The following TMC1 variants were observed in gnomAD, a reference collection of about 807,000 sequenced individuals.
TMC1 encodes transmembrane channel like 1, also known as transmembrane channel-like protein 1.
Under a neutral mutation model 105.8 loss-of-function variants are expected in TMC1, and 84 were observed. The ratio of observed to expected loss-of-function variants is 0.79; its 90% CI spans 0.67 to 0.95. TMC1 has a LOEUF of 0.95. Among genes scored for constraint, TMC1 ranks in the 40% least tolerant of loss-of-function variants. The pLI, the probability that TMC1 is intolerant of heterozygous loss-of-function variation, is 0.00. For synonymous variants in TMC1, 315 were observed against 311.5 expected (o/e 1.01, Z -0.12); for missense variants, 817 against 914.1 (o/e 0.89, Z 1.37).
intron 1 of TMC1, among the ~76,000 whole-genome samples, chr9:72,536,486 C>G (rs917095445): frequency 6.6e-6 from 1 of 152,138 alleles, no homozygotes; most frequent in African/African-American, 2.4e-5. Flanking sequence ...GCAGCTGCCA[C>G]CATGCCTGGC....
At chr9:72,784,063 T>C (rs1828132614) in intron 13 of TMC1, among the ~76,000 whole-genome samples, 1 of 152,112 alleles carries the variant, frequency 6.6e-6, no homozygotes, top group African/African-American at 2.4e-5. Flanking sequence ...CCAAAATTGA[T>C]AGGTGGGACC....
In TMC1 at chr9:72,837,569, G is replaced by A. The variant is rs1301410727; in HGVS notation, c.*1596G>A. On this transcript the variant is annotated 3_prime_UTR_variant, in exon 24 of 24. Transcript: ENST00000297784. ...GGTCAGGAAAACACACTTCTGTTGG[G>A]GGCCTTAATTTATAGATATGTTTAA... is the stretch of plus-strand genomic sequence containing the variant. 5 of 151,984 alleles carry A rather than the reference G, an allele frequency of 3.3e-5. No individual in the cohort carries two copies. The highest frequency in any genetic ancestry group is 1.3e-4 in the Admixed American group (2 of 15,252). 9.4% of individuals were successfully genotyped at this position (151,984 alleles called of 1,614,324 possible).
intron 5 of TMC1, among the ~76,000 whole-genome samples, chr9:72,679,709 A>G (rs1044966755): frequency 1.3e-5 from 2 of 152,078 alleles, no homozygotes; most frequent in African/African-American, 4.8e-5. Context: ...GCACTAATCC[A>G]TTCATGAAGG....
intron 1 of TMC1, among the ~76,000 whole-genome samples, chr9:72,544,478 C>CT (rs71493656): frequency 0.4 from 49,971 of 124,742 alleles, 10,479 homozygotes; most frequent in African/African-American, 0.46. Flanking sequence ...GATTTTTTAA[C>CT]TTTTTTTTTT....
rs141488546 is a variant in TMC1, at chr9:72,837,943, A to G, written c.*1970A>G. The stretch of plus-strand genomic sequence containing the variant: ...CTCTTATGTCTGTAATTCAGAGTCT[A>G]TTATTTATATTGATTTTCATGTGAC... On this transcript the variant is annotated 3_prime_UTR_variant, in exon 24 of 24. Coordinates refer to ENST00000297784, the MANE Select transcript of TMC1 (RefSeq NM_138691.3). 2 of 152,200 alleles carry G rather than the reference A, an allele frequency of 1.3e-5. No individual in the cohort carries two copies. Among genetic ancestry groups the G allele is most frequent in the East Asian group, 3.9e-4 (2 of 5,176 alleles). The allele number at this position is 152,200 out of a possible 1,614,324, so 9.4% of individuals were successfully genotyped here. A position where few individuals can be genotyped will look rare whatever the true frequency, so the allele number is the denominator to read the frequency against.
intron 5 of TMC1, among the ~76,000 whole-genome samples, chr9:72,685,433 G>A (rs1375892140): frequency 2.2e-5 from 3 of 136,678 alleles, no homozygotes; most frequent in African/African-American, 8.3e-5. Context: ...GCACAATCTC[G>A]GCTCACTGCA....
intron 7 of TMC1, 62 bp from the exon 8 acceptor site, chr9:72,700,456 C>A: frequency 7.0e-7 from 1 of 1,422,962 alleles, no homozygotes; most frequent in Non-Finnish European, 9.5e-7. Context: ...ACCTGCCTTC[C>A]TTAAGTTCCA....
At chr9:72,554,682 T>G (rs1046374467) in intron 1 of TMC1, among the ~76,000 whole-genome samples, 1 of 152,208 alleles carries the variant, frequency 6.6e-6, no homozygotes, top group Non-Finnish European at 1.5e-5. Flanking sequence ...AGGACTTTGG[T>G]ATCTGACTTT....
chr9:72,752,800 C>T lies in TMC1; in HGVS notation c.642+844C>T, dbSNP rs183613272. ...TTGGTGGTTTTGGGTGACTTTTTAT[C>T]CCGATAGCTTCAAATCAGTGCCAGT... On this transcript the variant is annotated intron_variant, in intron 11 of 23. Coordinates refer to ENST00000297784, the MANE Select transcript of TMC1 (RefSeq NM_138691.3). 2.1e-3 allele frequency among the ~76,000 whole-genome samples: 318 copies of T among 152,252 alleles called. 3 individuals are homozygous for T. Among genetic ancestry groups the T allele is most frequent in the Non-Finnish European group, 3.5e-3 (236 of 68,004 alleles).
chr9:72,659,161 TG>T lies in TMC1; in HGVS notation c.16+10499del, dbSNP rs1456509228. ...CATGAGTAGGTAGAGGAGAGGAGCT[TG>T]GAATAGGATGTGAGATTACAGTTTT... On this transcript the variant is annotated intron_variant, in intron 5 of 23. Coordinates refer to ENST00000297784, the MANE Select transcript of TMC1 (RefSeq NM_138691.3). Among the ~76,000 whole-genome samples the T allele has an allele frequency of 7.9e-5, 12 of 152,244 alleles. 1 individual carries two copies. The highest frequency in any genetic ancestry group is 5.9e-4 in the Admixed American group (9 of 15,290).
At chr9:72,544,999 G>A (rs1251303229) in intron 1 of TMC1, among the ~76,000 whole-genome samples, 1 of 151,722 alleles carries the variant, frequency 6.6e-6, no homozygotes, top group African/African-American at 2.4e-5. Context: ...TTGCATTCTC[G>A]TAGCTTAGCT....
chr9:72,812,804 C>T (rs1828726906), intron 18 of TMC1, among the ~76,000 whole-genome samples: 1 of 152,240 alleles, frequency 6.6e-6, no homozygotes, highest in African/African-American at 2.4e-5. Context: ...TTAATTCTCT[C>T]TGAGATCCTG....
intron 8 of TMC1, among the ~76,000 whole-genome samples, chr9:72,723,690 T>C (rs1827070187): frequency 6.6e-6 from 1 of 152,228 alleles, no homozygotes; most frequent in Non-Finnish European, 1.5e-5. Context: ...TTTTTTTTCC[T>C]TGGGATTTGC....
intron 5 of TMC1, among the ~76,000 whole-genome samples, chr9:72,675,651 G>A (rs1663751): frequency 0.5 from 75,328 of 151,802 alleles, 18,999 homozygotes; most frequent in African/African-American, 0.59. Flanking sequence ...TAATGAAGAT[G>A]AAATTGATTT....
intron 10 of TMC1, among the ~76,000 whole-genome samples, chr9:72,747,884 G>A (rs1271318511): frequency 2.0e-5 from 3 of 152,112 alleles, no homozygotes; most frequent in African/African-American, 7.2e-5. Flanking sequence ...GTGAGCCACC[G>A]TGCCTGGCTG....
At chr9:72,604,999 T>C (rs1306430781) in intron 2 of TMC1, among the ~76,000 whole-genome samples, 1 of 152,240 alleles carries the variant, frequency 6.6e-6, no homozygotes, top group Non-Finnish European at 1.5e-5. Flanking sequence ...AAGGTATGTA[T>C]GGTTTAATCA....
chr9:72,790,589 C>T (rs1042985424), intron 15 of TMC1, among the ~76,000 whole-genome samples: 2 of 151,992 alleles, frequency 1.3e-5, no homozygotes, highest in Non-Finnish European at 2.9e-5. Flanking sequence ...TATAAATAAA[C>T]CATATTAAAG....
At chr9:72,597,265 C>T (rs1166379651) in intron 2 of TMC1, among the ~76,000 whole-genome samples, 1 of 152,246 alleles carries the variant, frequency 6.6e-6, no homozygotes, top group Non-Finnish European at 1.5e-5. Flanking sequence ...GATGCAGGTG[C>T]TGTTCACATG....
At chr9:72,728,699 G>T (rs1256105172) in intron 8 of TMC1, among the ~76,000 whole-genome samples, 2 of 152,080 alleles carry the variant, frequency 1.3e-5, no homozygotes, top group Non-Finnish European at 2.9e-5. Context: ...CACAGTTTGT[G>T]CTGTGACCAG....
Sources: gnomAD v4.1 joint callset for allele counts (sites outside exome capture counted in the v4.1 genomes callset) on GRCh38, gnomAD v4.1.1 for gene constraint, MANE v1.5 for transcripts, NCBI Gene and HGNC (gene_info 2026-07-23, HGNC 2026-07-21) for gene names.